The following WNT5A variants were observed in gnomAD, a reference collection of about 807,000 sequenced individuals.
The protein encoded by WNT5A is Wnt family member 5A, also known as protein Wnt-5a.
Under a neutral mutation model 42.1 loss-of-function variants are expected in WNT5A, and 9 were observed. The observed-to-expected ratio is 0.21, with a 90% confidence interval of 0.13 to 0.37. The LOEUF (loss-of-function observed/expected upper bound fraction) is 0.37. WNT5A is among the 10% of genes least tolerant of loss of function. WNT5A has a pLI of 1.00. For synonymous variants in WNT5A, 210 were observed against 210.0 expected (o/e 1.00, Z 0.00); for missense variants, 426 against 534.0 (o/e 0.80, Z 1.99).
At chr3:55,482,800 G>C (rs1161873634) in intron 1 of WNT5A, among the ~76,000 whole-genome samples, 1 of 152,198 alleles carries the variant, frequency 6.6e-6, no homozygotes, top group Admixed American at 6.5e-5. Flanking sequence ...TTCCTCCAGG[G>C]GAGGGAGTGG....
rs17055392 is a variant in WNT5A at position 55,466,672 on chromosome 3, A to G, written c.*3420T>C. 16,086 of 152,542 alleles carry G rather than the reference A, an allele frequency of 0.11. 1,150 individuals are homozygous for G. Among genetic ancestry groups the G allele is most frequent in the Non-Finnish European group, 0.15 (10,037 of 67,972 alleles). 9.4% of individuals were successfully genotyped at this position (152,542 alleles called of 1,614,324 possible). A position where few individuals can be genotyped will look rare whatever the true frequency, so the allele number is the denominator to read the frequency against. ...ATAAATTTTTTATTAATTTTCTTGT[A>G]TTGGGAAGATCTTGAATACGCTCCA... On this transcript the variant is annotated 3_prime_UTR_variant, in exon 5 of 5. Coordinates refer to ENST00000264634, the MANE Select transcript of WNT5A (RefSeq NM_003392.7).
rs571162608 is a variant in WNT5A, at chr3:55,477,450, T to C, written c.391+1864A>G. The stretch of plus-strand genomic sequence containing the variant: ...GGAGGATGCCATATGTGCTCTCATC[T>C]TCCCAGGACATCAGCTGACTTGATG... On this transcript the variant is annotated intron_variant, in intron 3 of 4. Coordinates refer to ENST00000264634, the MANE Select transcript of WNT5A (RefSeq NM_003392.7). Among the ~76,000 whole-genome samples the C allele has an allele frequency of 2.6e-5, 4 of 152,242 alleles. No homozygotes were observed. The South Asian group carries it at 8.3e-4, about 32-fold the overall frequency.
chr3:55,474,499 C>A lies in WNT5A; in HGVS notation c.522G>T (p.Pro174=), dbSNP rs559836923. ...CSRAARPKDL[P]RDWLWGGCGD... The stretch of plus-strand genomic sequence containing the variant: ...CGCAGCCGCCCCAGAGCCAGTCCCG[C>A]GGCAGGTCCTTGGGGCGCGCGGCGC... The change falls in exon 4 of 5, where the codon CCG becomes CCT. Residue 174 remains proline, a synonymous_variant. Coordinates refer to ENST00000264634, the MANE Select transcript of WNT5A (RefSeq NM_003392.7). The A allele has an allele frequency of 2.9e-5, 46 of 1,589,888 alleles. No homozygotes were observed. In the African/African-American group the frequency reaches 5.8e-4, roughly 20 times the overall value.
intron 3 of WNT5A, among the ~76,000 whole-genome samples, chr3:55,474,971 C>T (rs1456368731): frequency 6.6e-6 from 1 of 151,490 alleles, no homozygotes; most frequent in Non-Finnish European, 1.5e-5. Flanking sequence ...GGTAAAAGCT[C>T]GGGCTGCCCC....
intron 3 of WNT5A, among the ~76,000 whole-genome samples, chr3:55,475,006 G>A (rs1343035813): frequency 6.6e-6 from 1 of 151,800 alleles, no homozygotes. Context: ...CCAGGCCCTG[G>A]GCCCAGCTTG....
chr3:55,498,212 C>G, the WNT5A span, among the ~76,000 whole-genome samples: 1 of 152,094 alleles, frequency 6.6e-6, no homozygotes, highest in African/African-American at 2.4e-5. Flanking sequence ...TTCACTTGAG[C>G]CTTAAGACCA....
At chr3:55,472,713 G>C (rs1239410649) in intron 4 of WNT5A, among the ~76,000 whole-genome samples, 3 of 152,120 alleles carry the variant, frequency 2.0e-5, no homozygotes, top group Non-Finnish European at 4.4e-5. Flanking sequence ...TCCTTCCCCG[G>C]AACACCCAAA....
upstream of WNT5A, among the ~76,000 whole-genome samples, chr3:55,495,538 T>G (rs1054178584): frequency 2.0e-5 from 3 of 152,240 alleles, no homozygotes; most frequent in Non-Finnish European, 4.4e-5. Flanking sequence ...TAAGACTGAA[T>G]AGTATTCCAT....
intron 1 of WNT5A, 50 bp downstream of exon 1, chr3:55,486,930 G>T (rs1231381311): frequency 6.8e-7 from 1 of 1,471,850 alleles, no homozygotes; most frequent in Non-Finnish European, 9.5e-7. Context: ...ACTTCCAACA[G>T]GGGGTGGGGG....
At chr3:55,491,376 G>A (rs767555731), upstream of WNT5A, among the ~76,000 whole-genome samples, 28 of 152,298 alleles carry the variant, frequency 1.8e-4, no homozygotes, top group Non-Finnish European at 3.7e-4. Context: ...AACCGTGTGT[G>A]CATTTGGGTG....
At chr3:55,482,555 C>T (rs2051488649) in intron 1 of WNT5A, among the ~76,000 whole-genome samples, 1 of 152,126 alleles carries the variant, frequency 6.6e-6, no homozygotes, top group African/African-American at 2.4e-5. Flanking sequence ...AGGGGCGTGC[C>T]AAGGTTTTTC....
chr3:55,479,496 C>T lies in WNT5A; in HGVS notation c.209G>A (p.Ser70Asn). Reference protein sequence around the residue: ...VYIIGAQPLCSQLAGLSQGQK... With the variant: ...VYIIGAQPLCNQLAGLSQGQK... ...TCCTTGAGAAAGTCCTGCCAGTTGG[C>T]TGCAGAGAGGCTGTGCTCCTATAAT... is the stretch of plus-strand genomic sequence containing the variant. The change falls in exon 3 of 5, where the codon AGC (serine) becomes AAC (asparagine). Residue 70 changes from serine (S) to asparagine (N), a missense_variant. Ser to Asn is a conservative substitution (Grantham distance 46). Transcript: ENST00000264634. 6.2e-7 allele frequency: 1 copy of T among 1,613,968 alleles called. No homozygotes were observed. The highest frequency in any genetic ancestry group is 8.5e-7 in the Non-Finnish European group (1 of 1,179,860).
chr3:55,467,286 A>G lies in WNT5A; in HGVS notation c.*2806T>C, dbSNP rs141029144. 60 of 152,734 alleles carry G rather than the reference A, an allele frequency of 3.9e-4. No individual in the cohort carries two copies. The highest frequency in any genetic ancestry group is 1.4e-3 in the African/African-American group (58 of 41,564). 9.5% of individuals were successfully genotyped at this position (152,734 alleles called of 1,614,324 possible). A position where few individuals can be genotyped will look rare whatever the true frequency, so the allele number is the denominator to read the frequency against. ...GGATGTTACAACAGCAACACGCTCT[A>G]AAACAATTAAGTTACATGCATAATG... On this transcript the variant is annotated 3_prime_UTR_variant, in exon 5 of 5. Coordinates refer to ENST00000264634, the MANE Select transcript of WNT5A (RefSeq NM_003392.7).
In WNT5A at chr3:55,487,114, G is replaced by T; in HGVS notation, c.-129C>A. 1.3e-6 allele frequency: 1 copy of T among 782,024 alleles called. No individual in the cohort carries two copies. Among genetic ancestry groups the T allele is most frequent in the Non-Finnish European group, 2.0e-6 (1 of 493,388 alleles). The allele number at this position is 782,024 out of a possible 1,614,324, so 48.4% of individuals were successfully genotyped here. Reference sequence around the variant, plus strand: ...AGGGCTGCGGAGTCCTCCGGCGCGCGTCCGGCGGGCGCAGTGAACCGGAGC... The same window carrying T: ...AGGGCTGCGGAGTCCTCCGGCGCGCTTCCGGCGGGCGCAGTGAACCGGAGC... On this transcript the variant is annotated 5_prime_UTR_variant, in exon 1 of 5. Coordinates refer to ENST00000264634, the MANE Select transcript of WNT5A (RefSeq NM_003392.7).
At chr3:55,472,848 CACTAA>C (rs1255693910) in intron 4 of WNT5A, among the ~76,000 whole-genome samples, 5 of 152,154 alleles carry the variant, frequency 3.3e-5, no homozygotes, top group Non-Finnish European at 7.3e-5. Context: ...TACTGGCGGA[CACTAA>C]ACTAAGACCT....
At chr3:55,500,918 A>T in the WNT5A span, among the ~76,000 whole-genome samples, 3 of 152,210 alleles carry the variant, frequency 2.0e-5, no homozygotes, top group African/African-American at 4.8e-5. Flanking sequence ...TGGCCCTAAA[A>T]CATTACCAAC....
chr3:55,471,282 A>C (rs998455773), intron 4 of WNT5A, among the ~76,000 whole-genome samples: 1 of 152,150 alleles, frequency 6.6e-6, no homozygotes, highest in African/African-American at 2.4e-5. Context: ...TCACACAGCT[A>C]AAGTGTGGGG....
intron 4 of WNT5A, among the ~76,000 whole-genome samples, chr3:55,472,274 A>G (rs2051266212): frequency 1.3e-5 from 2 of 152,150 alleles, no homozygotes; most frequent in African/African-American, 4.8e-5. Flanking sequence ...CCACTTGGAA[A>G]TCCCTTGACC....
rs184404268 is a variant in WNT5A, at chr3:55,479,045, A to G, written c.391+269T>C. 7.3e-4 allele frequency: 201 copies of G among 275,236 alleles called. 1 individual carries two copies. In the East Asian group the frequency reaches 9.6e-3, roughly 13 times the overall value. The allele number at this position is 275,236 out of a possible 1,614,324, so 17.0% of individuals were successfully genotyped here. Reference sequence around the variant, plus strand: ...AATAAGTGTTCTGCTTCTATTTTAAACAAAATGCTTTATAGAAAAATTAAG... The same window carrying G: ...AATAAGTGTTCTGCTTCTATTTTAAGCAAAATGCTTTATAGAAAAATTAAG... On this transcript the variant is annotated intron_variant, in intron 3 of 4. Transcript: ENST00000264634.
Sources: allele counts gnomAD v4.1 joint callset (sites outside exome capture counted in the v4.1 genomes callset), GRCh38; gene constraint gnomAD v4.1.1; transcripts MANE v1.5; gene names NCBI Gene and HGNC (gene_info 2026-07-23, HGNC 2026-07-21).